The following ANK3 variants were observed in gnomAD, a reference collection of about 807,000 sequenced individuals.
ANK3 encodes ankyrin 3.
Under a neutral mutation model 370.9 loss-of-function variants are expected in ANK3, and 57 were observed. The ratio of observed to expected loss-of-function variants is 0.15; its 90% confidence interval spans 0.12 to 0.19. The LOEUF (loss-of-function observed/expected upper bound fraction) is 0.19, where lower values mean the gene tolerates loss of function less well. ANK3 is among the 10% of genes least tolerant of loss of function. The pLI is 1.00. For synonymous variants in ANK3, 1,929 were observed against 1,946.3 expected (o/e 0.99, Z 0.23); for missense variants, 4,439 against 5,302.1 (o/e 0.84, Z 5.06).
intron 2 of ANK3, among the ~76,000 whole-genome samples, chr10:60,493,438 A>C (rs1296039207): frequency 6.6e-6 from 1 of 152,110 alleles, no homozygotes; most frequent in Non-Finnish European, 1.5e-5. Flanking sequence ...TGAGCACAAG[A>C]GAAGGGAAGG....
At chr10:60,038,469 T>C (rs947895216) in intron 43 of ANK3, among the ~76,000 whole-genome samples, 1 of 152,180 alleles carries the variant, frequency 6.6e-6, no homozygotes, top group Admixed American at 6.5e-5. Context: ...GGTTTTTTGC[T>C]TGTAAAAAGC....
At chr10:60,598,439 CCTGA>C (rs1241826686) in intron 2 of ANK3, among the ~76,000 whole-genome samples, 1 of 152,082 alleles carries the variant, frequency 6.6e-6, no homozygotes, top group Non-Finnish European at 1.5e-5. Flanking sequence ...TTAAATTGAG[CCTGA>C]CTAATGAAGT....
At position 60,086,821 on chromosome 10, in the gene ANK3, T is replaced by C. The variant is rs138308296; in HGVS notation, c.3604A>G (p.Ile1202Val). ...ILGNKATFSPIVTVEPRRRKF... is the reference protein window; with the variant it reads ...ILGNKATFSPVVTVEPRRRKF... ...CGTCTTCTTGGTTCCACAGTGACAATTGGGCTAAAAGTTGCTTTGTTTCCA... is the reference window on the plus strand; with the variant it reads ...CGTCTTCTTGGTTCCACAGTGACAACTGGGCTAAAAGTTGCTTTGTTTCCA... The change falls in exon 30 of 44, where the codon ATT (isoleucine) becomes GTT (valine). Residue 1202 changes from isoleucine to valine, a missense_variant. Physicochemically the swap from Ile to Val is conservative, Grantham distance 29. Transcript: ENST00000280772. 7.9e-5 allele frequency: 128 copies of C among 1,613,888 alleles called. No individual in the cohort carries two copies. The highest frequency in any genetic ancestry group is 4.9e-4 in the Middle Eastern group (3 of 6,084).
At chr10:60,041,454 TG>T (rs2076075551) in intron 43 of ANK3, among the ~76,000 whole-genome samples, 2 of 152,234 alleles carry the variant, frequency 1.3e-5, no homozygotes, top group Non-Finnish European at 2.9e-5. Flanking sequence ...ATCCTAGTTC[TG>T]CCACTTTTTA....
In ANK3 at chr10:60,723,353, C is replaced by A. The variant is rs189564318; in HGVS notation, c.57+9910G>T. Among the ~76,000 whole-genome samples the A allele has an allele frequency of 1.7e-3, 255 of 152,288 alleles. 1 individual carries two copies. Among genetic ancestry groups the A allele is most frequent in the African/African-American group, 6.0e-3 (250 of 41,554 alleles). On this transcript the variant is annotated intron_variant, in intron 1 of 43. Coordinates refer to the ANK3 transcript ENST00000373827. Reference sequence around the variant, plus strand: ...AAAACCAAAACATAGCATTGAAATTCATTCTTTGATGTCAACATTTCATTG... The same window carrying A: ...AAAACCAAAACATAGCATTGAAATTAATTCTTTGATGTCAACATTTCATTG...
At chr10:60,463,514 C>A (rs1316862651) in intron 2 of ANK3, among the ~76,000 whole-genome samples, 2 of 152,116 alleles carry the variant, frequency 1.3e-5, no homozygotes, top group Admixed American at 6.6e-5. Flanking sequence ...ACCATTATTT[C>A]TCTTCCTTGC....
intron 2 of ANK3, among the ~76,000 whole-genome samples, chr10:60,551,528 G>C (rs1489291316): frequency 1.3e-5 from 2 of 152,246 alleles, no homozygotes; most frequent in Middle Eastern, 6.8e-3. Context: ...TTTTAGTGAT[G>C]AAAATAAATT....
rs565812691 is a variant in ANK3 at position 60,638,544 on chromosome 10, A to T, written c.58-23320T>A. On this transcript the variant is annotated intron_variant, in intron 1 of 43. Coordinates refer to the ANK3 transcript ENST00000373827. ...GCAGACATACAAAGAAGCAGAAAAA[A>T]AAATCCATCAAAACAGAAACAGAAA... 2.0e-4 allele frequency among the ~76,000 whole-genome samples: 30 copies of T among 152,314 alleles called. No individual in the cohort carries two copies. In the East Asian group the frequency reaches 5.6e-3, roughly 28 times the overall value.
At chr10:60,159,331 G>T (rs2095435211) in intron 23 of ANK3, among the ~76,000 whole-genome samples, 1 of 151,838 alleles carries the variant, frequency 6.6e-6, no homozygotes, top group Admixed American at 6.6e-5. Flanking sequence ...GACAAAGAAG[G>T]TCATTATATA....
intron 13 of ANK3, among the ~76,000 whole-genome samples, chr10:60,199,851 T>G (rs1159111288): frequency 6.6e-6 from 1 of 152,178 alleles, no homozygotes; most frequent in Non-Finnish European, 1.5e-5. Context: ...TTGGACCAAG[T>G]CTAGATTCAG....
At chr10:60,190,088 C>A (rs1036157891) in intron 16 of ANK3, among the ~76,000 whole-genome samples, 6 of 152,214 alleles carry the variant, frequency 3.9e-5, no homozygotes, top group African/African-American at 1.4e-4. Context: ...AGCTGCCCAT[C>A]TACTTTTCAG....
At chr10:60,205,481 C>T (rs2096748417) in intron 11 of ANK3, among the ~76,000 whole-genome samples, 2 of 152,156 alleles carry the variant, frequency 1.3e-5, no homozygotes, top group Admixed American at 1.3e-4. Context: ...CAAAACTGCA[C>T]CCACTAGAGA....
intron 8 of ANK3, among the ~76,000 whole-genome samples, chr10:60,226,583 CT>C (rs2097166082): frequency 1.3e-4 from 7 of 54,972 alleles, no homozygotes; most frequent in African/African-American, 5.2e-4. Context: ...TGTATATATA[CT>C]ATGTATATAT....
rs772538751 is a variant in ANK3, at chr10:60,056,005, A to G, written c.12718T>C (p.Tyr4240His). Residue 4240 changes from tyrosine to histidine, a missense_variant, in exon 42 of 44, where the codon TAT becomes CAT. By Grantham distance (83) the Tyr-to-His change is moderately conservative (BLOSUM62 2). Coordinates refer to ENST00000280772, the MANE Select transcript of ANK3 (RefSeq NM_020987.5). ...AATTTGCCAGCTTCTCCTTTGAGAT[A>G]TGAGGTAATGGAATCTCTACACTGG... Reference protein sequence around the residue: ...PDQCRDSITSYLKGEAGKFEA... With the variant: ...PDQCRDSITSHLKGEAGKFEA... The G allele has an allele frequency of 3.1e-6, 5 of 1,613,552 alleles. No individual in the cohort carries two copies. The highest frequency in any genetic ancestry group is 1.7e-5 in the Admixed American group (1 of 59,962).
intron 7 of ANK3, among the ~76,000 whole-genome samples, chr10:60,241,382 AC>A (rs1270031560): frequency 6.6e-6 from 1 of 152,228 alleles, no homozygotes; most frequent in Non-Finnish European, 1.5e-5. Context: ...TTGTTCTTGT[AC>A]CAAATAAATT....
intron 1 of ANK3, among the ~76,000 whole-genome samples, chr10:60,632,344 A>G (rs1343959879): frequency 6.6e-6 from 1 of 152,118 alleles, no homozygotes; most frequent in Non-Finnish European, 1.5e-5. Flanking sequence ...TTAGAATTCT[A>G]TATTATAGCT....
At chr10:60,237,682 T>C (rs780175912) in intron 7 of ANK3, among the ~76,000 whole-genome samples, 13 of 152,136 alleles carry the variant, frequency 8.5e-5, no homozygotes, top group Admixed American at 3.3e-4. Context: ...GTTAGTTACA[T>C]AGGTATACAT....
chr10:60,681,571 C>T (rs915017317), intron 1 of ANK3, among the ~76,000 whole-genome samples: 1 of 152,202 alleles, frequency 6.6e-6, no homozygotes, highest in Non-Finnish European at 1.5e-5. Context: ...TCCTATCCAG[C>T]CCCACCAGTC....
At chr10:60,143,430 C>A (rs574284560) in intron 23 of ANK3, among the ~76,000 whole-genome samples, 1 of 152,120 alleles carries the variant, frequency 6.6e-6, no homozygotes, top group Non-Finnish European at 1.5e-5. Context: ...GCTTCTAACA[C>A]GTGTGTATAA....
Sources: gnomAD v4.1 joint callset for allele counts (sites outside exome capture counted in the v4.1 genomes callset) on GRCh38, gnomAD v4.1.1 for gene constraint, MANE v1.5 for transcripts, NCBI Gene and HGNC (gene_info 2026-07-23, HGNC 2026-07-21) for gene names.